The following USP6NL variants were observed in gnomAD, a reference collection of about 807,000 sequenced individuals.
USP6NL encodes USP6 N-terminal-like protein.
A neutral mutation model predicts 61.9 loss-of-function variants in USP6NL; 26 were observed. The ratio of observed to expected loss-of-function variants is 0.42; its 90% CI spans 0.31 to 0.58. USP6NL has a LOEUF of 0.58. Among genes scored for constraint, USP6NL ranks in the 20% least tolerant of loss-of-function variants. The pLI is 0.16. For synonymous variants in USP6NL, 432 were observed against 390.1 expected (o/e 1.11, Z -1.27); for missense variants, 1,114 against 1,034.3 (o/e 1.08, Z -1.06).
intron 2 of USP6NL, among the ~76,000 whole-genome samples, chr10:11,542,459 C>T (rs1836105060): frequency 6.6e-6 from 1 of 152,156 alleles, no homozygotes; most frequent in South Asian, 2.1e-4. Flanking sequence ...TGGCTCATGC[C>T]TGTAATCCCA....
intron 2 of USP6NL, among the ~76,000 whole-genome samples, chr10:11,572,262 T>A (rs1173141169): frequency 1.3e-5 from 2 of 152,096 alleles, no homozygotes; most frequent in Non-Finnish European, 2.9e-5. Flanking sequence ...TAGTAAAAGC[T>A]ATTTTCTTTA....
rs1402916067 is a variant in USP6NL at position 11,528,745 on chromosome 10, C to T, written c.5-1178G>A. On this transcript the variant is annotated intron_variant, in intron 2 of 14. Transcript: ENST00000609104. The surrounding 1 kb of genome is among the most constrained non-coding windows in gnomAD (Gnocchi z 4.6). ...TACCTCCATTTCCCCTAAAACCCCA[C>T]TAAAATAGCAACTATAGGGATTCTT... Among the ~76,000 whole-genome samples, 2 of 152,132 alleles carry T rather than the reference C, an allele frequency of 1.3e-5. No individual in the cohort carries two copies. Among genetic ancestry groups the T allele is most frequent in the African/African-American group, 4.8e-5 (2 of 41,430 alleles).
At position 11,585,063 on chromosome 10, in the gene USP6NL, T is replaced by C. The variant is rs1440331942; in HGVS notation, c.4+12568A>G. Among the ~76,000 whole-genome samples, 1 of 152,228 alleles carries C rather than the reference T, an allele frequency of 6.6e-6. No individual in the cohort carries two copies. The highest frequency in any genetic ancestry group is 2.4e-5 in the African/African-American group (1 of 41,452). ...ATTCAAAGTTAAAATCTGTGATTTT[T>C]CCATAATCATTTTGGGAGAAAAGAC... On this transcript the variant is annotated intron_variant, in intron 2 of 14. Coordinates refer to ENST00000609104, the MANE Select transcript of USP6NL (RefSeq NM_014688.5). This position sits in a 1 kb window ranked among gnomAD's most constrained non-coding sequence, Gnocchi z 4.5.
chr10:11,473,393 C>A (rs1359349985), intron 14 of USP6NL, among the ~76,000 whole-genome samples: 2 of 152,100 alleles, frequency 1.3e-5, no homozygotes, highest in Non-Finnish European at 2.9e-5. Context: ...ACGGGTCAGG[C>A]ACAAAACACA....
rs572740874 is a variant in USP6NL, at chr10:11,495,258, A to AT, written c.385-2031dup. 2.3e-4 allele frequency among the ~76,000 whole-genome samples: 35 copies of AT among 152,336 alleles called. No homozygotes were observed. The South Asian group carries it at 6.2e-3, about 27-fold the overall frequency. The stretch of plus-strand genomic sequence containing the variant: ...AGGTTATGATTATAGAGCGAGGATT[A>AT]TTATAATATTGGAATATAGAGTAAT... On this transcript the variant is annotated intron_variant, in intron 7 of 14. Transcript: ENST00000609104. This position sits in a 1 kb window ranked among gnomAD's most constrained non-coding sequence, Gnocchi z 4.6.
In USP6NL at chr10:11,470,757, T is replaced by C. The variant is rs1453501451; in HGVS notation, c.1079-6908A>G. ...TGATGTCAAAACAGAAAACTATATA[T>C]AGGCAATAAGCATTCCTATTTATTA... is the stretch of plus-strand genomic sequence containing the variant. On this transcript the variant is annotated intron_variant, in intron 14 of 14. Transcript: ENST00000609104. This position sits in a 1 kb window ranked among gnomAD's most constrained non-coding sequence, Gnocchi z 5.4. 6.6e-6 allele frequency among the ~76,000 whole-genome samples: 1 copy of C among 152,240 alleles called. No individual in the cohort carries two copies. The highest frequency in any genetic ancestry group is 2.1e-4 in the South Asian group (1 of 4,834).
intron 2 of USP6NL, among the ~76,000 whole-genome samples, chr10:11,584,940 A>G (rs1432694277): frequency 6.6e-6 from 1 of 152,200 alleles, no homozygotes; most frequent in Non-Finnish European, 1.5e-5. Flanking sequence ...CCCTGTCTCA[A>G]AAAAACAAAG....
chr10:11,484,381 A>G (rs2133235692), intron 13 of USP6NL, among the ~76,000 whole-genome samples: 1 of 150,264 alleles, frequency 6.7e-6, no homozygotes, highest in Non-Finnish European at 1.5e-5. Flanking sequence ...GCAACTGAAG[A>G]CTAAAAATTC....
intron 6 of USP6NL, among the ~76,000 whole-genome samples, chr10:11,506,410 G>A (rs1834433655): frequency 6.6e-6 from 1 of 152,156 alleles, no homozygotes. Context: ...TGGAGGCTGA[G>A]GCAGGAGAAT....
intron 7 of USP6NL, among the ~76,000 whole-genome samples, chr10:11,497,547 A>T (rs1833989923): frequency 6.6e-6 from 1 of 152,244 alleles, no homozygotes; most frequent in Non-Finnish European, 1.5e-5. Context: ...AAGACATGAT[A>T]AAATAAAATG....
chr10:11,555,429 A>ATAT (rs1181226855), intron 2 of USP6NL, among the ~76,000 whole-genome samples: 9 of 83,078 alleles, frequency 1.1e-4, no homozygotes, highest in Non-Finnish European at 2.0e-4. Flanking sequence ...AAAAAAAAAA[A>ATAT]AAAAATATAT....
intron 1 of USP6NL, among the ~76,000 whole-genome samples, chr10:11,610,922 G>C (rs1356988687): frequency 6.6e-6 from 1 of 152,010 alleles, no homozygotes; most frequent in Admixed American, 6.5e-5. Flanking sequence ...GGTTGTGAGC[G>C]CCAAACTATT....
Position 11,487,769 on chromosome 10 carries a change from T to C in USP6NL, c.664+1333A>G, listed in dbSNP as rs1178252734. Among the ~76,000 whole-genome samples, 1 of 152,102 alleles carries C rather than the reference T, an allele frequency of 6.6e-6. No homozygotes were observed. The highest frequency in any genetic ancestry group is 1.5e-5 in the Non-Finnish European group (1 of 68,008). The stretch of plus-strand genomic sequence containing the variant: ...TTGTTAAGTAATTGGCAAGAAACAC[T>C]AAGGGAGAAAGACAAATGCAAACAC... On this transcript the variant is annotated intron_variant, in intron 10 of 14. Coordinates refer to ENST00000609104, the MANE Select transcript of USP6NL (RefSeq NM_014688.5). The surrounding 1 kb of genome is among the most constrained non-coding windows in gnomAD (Gnocchi z 4.2).
chr10:11,571,356 G>T (rs1208797171), intron 2 of USP6NL, among the ~76,000 whole-genome samples: 1 of 152,040 alleles, frequency 6.6e-6, no homozygotes, highest in Non-Finnish European at 1.5e-5. Context: ...AAAGTGCTGG[G>T]ATTACAGACA....
chr10:11,577,221 T>G (rs1313397580), intron 2 of USP6NL, among the ~76,000 whole-genome samples: 4 of 151,726 alleles, frequency 2.6e-5, no homozygotes, highest in African/African-American at 9.7e-5. Flanking sequence ...CCAGGCCAGA[T>G]GCCAGGCTAA....
In USP6NL at chr10:11,499,823, C is replaced by T. The variant is rs1834099566; in HGVS notation, c.384+1278G>A. 1.3e-5 allele frequency among the ~76,000 whole-genome samples: 2 copies of T among 152,150 alleles called. No homozygotes were observed. Among genetic ancestry groups the T allele is most frequent in the African/African-American group, 2.4e-5 (1 of 41,420 alleles). On this transcript the variant is annotated intron_variant, in intron 7 of 14. Coordinates refer to ENST00000609104, the MANE Select transcript of USP6NL (RefSeq NM_014688.5). The surrounding 1 kb of genome is among the most constrained non-coding windows in gnomAD (Gnocchi z 4.5). ...TGAGAGAGAGTTCTGTTGTTTTGAG[C>T]CGCTTAGTTTGTGGTACTTGGTTAC...
rs368601451 is a variant in USP6NL, at chr10:11,463,838, C to G, written c.1090G>C (p.Glu364Gln). ...TGCCCCAAGGGCTTCTTTGGATATTCATCCTCTTTACCTGAAAAGAAAGAG... is the reference window on the plus strand; with the variant it reads ...TGCCCCAAGGGCTTCTTTGGATATTGATCCTCTTTACCTGAAAAGAAAGAG... The part of the protein sequence containing the change: ...LDLPEPGKED[E>Q]YPKKPLGQLP... The change falls in exon 15 of 15, where the codon GAA becomes CAA. Residue 364 changes from glutamate (E) to glutamine (Q), a missense_variant. Physicochemically the swap from Glu to Gln is conservative, Grantham distance 29 (BLOSUM62 2). Coordinates refer to ENST00000609104, the MANE Select transcript of USP6NL (RefSeq NM_014688.5). The surrounding 1 kb of genome is among the most constrained non-coding windows in gnomAD (Gnocchi z 6.3). 183 of 1,461,678 alleles carry G rather than the reference C, an allele frequency of 1.3e-4. No individual in the cohort carries two copies. Among genetic ancestry groups the G allele is most frequent in the Non-Finnish European group, 1.6e-4 (180 of 1,105,680 alleles). The allele number at this position is 1,461,678 out of a possible 1,614,324, so 90.5% of individuals were successfully genotyped here.
chr10:11,502,307 T>C (rs577628713), intron 6 of USP6NL, among the ~76,000 whole-genome samples: 131 of 152,054 alleles, frequency 8.6e-4, no homozygotes, highest in African/African-American at 3.2e-3. Context: ...CCTCCATCCT[T>C]GAAAGTGTAC....
At position 11,575,191 on chromosome 10, in the gene USP6NL, C is replaced by T. The variant is rs1026248049; in HGVS notation, c.4+22440G>A. ...CTAAGTTTTAAACCTCAAGTCAAAA[C>T]TGTGATCTTGAATCCTTCTGTAGAT... On this transcript the variant is annotated intron_variant, in intron 2 of 14. Coordinates refer to ENST00000609104, the MANE Select transcript of USP6NL (RefSeq NM_014688.5). The surrounding 1 kb of genome is among the most constrained non-coding windows in gnomAD (Gnocchi z 4.2). 7.9e-5 allele frequency among the ~76,000 whole-genome samples: 12 copies of T among 152,210 alleles called. No homozygotes were observed. Among genetic ancestry groups the T allele is most frequent in the African/African-American group, 2.7e-4 (11 of 41,452 alleles).
Sources: allele counts gnomAD v4.1 joint callset (sites outside exome capture counted in the v4.1 genomes callset), GRCh38; gene constraint gnomAD v4.1.1; non-coding constraint Gnocchi (gnomAD v3.1); transcripts MANE v1.5; gene names NCBI Gene and HGNC (gene_info 2026-07-23, HGNC 2026-07-21).